The following NEK1 variants were observed in gnomAD, a reference collection of about 807,000 sequenced individuals.
NEK1 encodes the protein NIMA related kinase 1.
A neutral mutation model predicts 182.1 loss-of-function variants in NEK1; 137 were observed. That is an observed-to-expected ratio of 0.75 (90% confidence interval 0.65 to 0.87). The LOEUF (loss-of-function observed/expected upper bound fraction) is 0.87, where lower values mean the gene tolerates loss of function less well. NEK1 is among the 40% of genes least tolerant of loss of function. The pLI is 0.00. For synonymous variants in NEK1, 513 were observed against 492.2 expected (o/e 1.04, Z -0.56); for missense variants, 1,391 against 1,494.4 (o/e 0.93, Z 1.14).
intron 31 of NEK1, among the ~76,000 whole-genome samples, chr4:169,411,501 T>G (rs1215560481): frequency 6.6e-6 from 1 of 152,142 alleles, no homozygotes; most frequent in Non-Finnish European, 1.5e-5. Context: ...TAATTTTGTA[T>G]TTTTAGTAGA....
At chr4:169,410,411 T>C (rs1733470226) in intron 31 of NEK1, among the ~76,000 whole-genome samples, 1 of 152,202 alleles carries the variant, frequency 6.6e-6, no homozygotes, top group South Asian at 2.1e-4. Flanking sequence ...AACTAAAAAA[T>C]TCTACTCATA....
intron 26 of NEK1, among the ~76,000 whole-genome samples, chr4:169,469,874 G>C (rs1383072738): frequency 6.6e-6 from 1 of 151,228 alleles, no homozygotes; most frequent in Non-Finnish European, 1.5e-5. Flanking sequence ...ATTATGTAAT[G>C]CCATTCTTTG....
At chr4:169,583,301 C>A (rs912902645) in intron 10 of NEK1, among the ~76,000 whole-genome samples, 2 of 150,384 alleles carry the variant, frequency 1.3e-5, no homozygotes, top group African/African-American at 2.4e-5. Flanking sequence ...AAGCTTCTCA[C>A]CTAAGTAGAT....
intron 4 of NEK1, among the ~76,000 whole-genome samples, chr4:169,600,420 T>C (rs1353376137): frequency 6.6e-6 from 1 of 151,480 alleles, no homozygotes; most frequent in African/African-American, 2.4e-5. Flanking sequence ...TGATCTCAAA[T>C]TCCTGGGCTC....
At chr4:169,598,172 T>C (rs1205698671) in intron 5 of NEK1, among the ~76,000 whole-genome samples, 1 of 152,152 alleles carries the variant, frequency 6.6e-6, no homozygotes, top group African/African-American at 2.4e-5. Flanking sequence ...TTATAAACTT[T>C]AGAGTTAGAG....
At chr4:169,408,643 T>A (rs1733069486) in intron 31 of NEK1, among the ~76,000 whole-genome samples, 1 of 152,082 alleles carries the variant, frequency 6.6e-6, no homozygotes, top group South Asian at 2.1e-4. Flanking sequence ...CCCCCTTGAG[T>A]CGCCGAAGTC....
intron 12 of NEK1, among the ~76,000 whole-genome samples, chr4:169,574,533 C>T (rs533104838): frequency 1.3e-5 from 2 of 150,046 alleles, no homozygotes; most frequent in Non-Finnish European, 3.0e-5. Context: ...CGTGAACCCG[C>T]GAGGCGGAGC....
intron 23 of NEK1, among the ~76,000 whole-genome samples, chr4:169,503,703 A>G (rs1312005686): frequency 1.3e-5 from 2 of 152,168 alleles, no homozygotes; most frequent in Non-Finnish European, 2.9e-5. Flanking sequence ...ATCTTTTGCC[A>G]TATACAAAAA....
At chr4:169,437,001 A>G (rs1457665639) in intron 28 of NEK1, among the ~76,000 whole-genome samples, 2 of 152,212 alleles carry the variant, frequency 1.3e-5, no homozygotes, top group African/African-American at 4.8e-5. Context: ...AGCACTGTGT[A>G]AGCTCAGACT....
chr4:169,473,764 G>C (rs996038062), intron 26 of NEK1, among the ~76,000 whole-genome samples: 2 of 152,102 alleles, frequency 1.3e-5, no homozygotes, highest in Admixed American at 6.5e-5. Context: ...ACTATTAATA[G>C]AGGGGAGAAA....
chr4:169,460,048 T>A (rs1287479925), intron 27 of NEK1, among the ~76,000 whole-genome samples: 1 of 152,168 alleles, frequency 6.6e-6, no homozygotes, highest in African/African-American at 2.4e-5. Context: ...TGTGTCAACA[T>A]TGGTCTATTG....
At chr4:169,562,344 T>A (rs1465628401) in intron 12 of NEK1, 148 bp from the exon 13 acceptor site, 1 of 532,078 alleles carries the variant, frequency 1.9e-6, no homozygotes, top group Non-Finnish European at 3.2e-6. Flanking sequence ...AAAAAAAAAA[T>A]CGTAGTCTTT....
rs747433567 is a variant in NEK1 at position 169,477,233 on chromosome 4, A to C, written c.2325T>G (p.His775Gln). ...CAGATGAAACTGATTTTTCTTTTTC[A>C]TGCTCTTTGGCATCTTCATGAACAT... is the stretch of plus-strand genomic sequence containing the variant. ...EINVHEDAKE[H>Q]EKEKSVSSDR... Residue 775 changes from histidine to glutamine, a missense_variant, in exon 26 of 36, where the codon CAT (histidine) becomes CAG (glutamine). Physicochemically the swap from His to Gln is conservative, Grantham distance 24 (BLOSUM62 0). This residue lies in a region of NEK1 where 1,216 missense variants were observed against 1,277.6 expected (regional missense o/e 0.95). Transcript: ENST00000507142. The C allele has an allele frequency of 4.4e-6, 7 of 1,604,178 alleles. No individual in the cohort carries two copies. Among genetic ancestry groups the C allele is most frequent in the Non-Finnish European group, 6.0e-6 (7 of 1,174,402 alleles).
At chr4:169,465,474 CAG>C (rs556269250) in intron 26 of NEK1, among the ~76,000 whole-genome samples, 14 of 152,122 alleles carry the variant, frequency 9.2e-5, no homozygotes, top group African/African-American at 3.4e-4. Flanking sequence ...ATACGTTTCA[CAG>C]AGAGAGAACT....
At chr4:169,563,692 TTCA>T (rs1232294250) in intron 12 of NEK1, among the ~76,000 whole-genome samples, 1 of 152,334 alleles carries the variant, frequency 6.6e-6, no homozygotes, top group East Asian at 1.9e-4. Flanking sequence ...CTTCCAATGT[TTCA>T]TCATTATGTA....
intron 33 of NEK1, among the ~76,000 whole-genome samples, chr4:169,401,032 T>C (rs2111019578): frequency 6.6e-6 from 1 of 152,264 alleles, no homozygotes; most frequent in East Asian, 1.9e-4. Flanking sequence ...TGGAAAAGCC[T>C]GCAAAAGGTA....
At chr4:169,455,750 C>T (rs1026724742) in intron 27 of NEK1, among the ~76,000 whole-genome samples, 8 of 152,136 alleles carry the variant, frequency 5.3e-5, no homozygotes, top group Admixed American at 5.2e-4. Flanking sequence ...ACTTAGCTGA[C>T]TCTAGTCTAG....
intron 9 of NEK1, among the ~76,000 whole-genome samples, chr4:169,586,315 A>T (rs10002314): frequency 0.015 from 2,273 of 152,188 alleles, 57 homozygotes; most frequent in African/African-American, 0.049. Context: ...CAGTGATTAC[A>T]AAAGTTCTAC....
At chr4:169,417,434 T>C (rs1442110621) in intron 31 of NEK1, among the ~76,000 whole-genome samples, 2 of 152,104 alleles carry the variant, frequency 1.3e-5, no homozygotes, top group Non-Finnish European at 2.9e-5. Context: ...ATTTGGACAA[T>C]GGATTTCACA....
Sources: gnomAD v4.1 joint callset for allele counts (sites outside exome capture counted in the v4.1 genomes callset) on GRCh38, gnomAD v4.1.1 for gene constraint, gnomAD v4.1.1 regional missense constraint, MANE v1.5 for transcripts, NCBI Gene and HGNC (gene_info 2026-07-23, HGNC 2026-07-21) for gene names.